Variants in MEGF10 observed in about 807,000 individuals in gnomAD.
MEGF10 encodes the protein multiple EGF like domains 10, also known as multiple epidermal growth factor-like domains protein 10.
In MEGF10, 86 loss-of-function variants were observed where a neutral mutation model predicts 147.5. The observed-to-expected ratio is 0.58, with a 90% CI of 0.49 to 0.70. The LOEUF (loss-of-function observed/expected upper bound fraction) is 0.70. Among genes scored for constraint, MEGF10 ranks in the 30% least tolerant of loss-of-function variants. The pLI, the probability that MEGF10 is intolerant of heterozygous loss-of-function variation, is 0.00. For missense variants in MEGF10, 1,329 were observed against 1,487.3 expected (o/e 0.89, Z 1.75); for synonymous variants, 478 against 525.5 (o/e 0.91, Z 1.24).
At chr5:127,253,854 CT>C in the MEGF10 span, among the ~76,000 whole-genome samples, 1 of 152,126 alleles carries the variant, frequency 6.6e-6, no homozygotes, top group East Asian at 1.9e-4. Flanking sequence ...GATGTCAGTT[CT>C]CCTTAAATTA....
chr5:127,433,712 A>C (rs1345455378), intron 14 of MEGF10, among the ~76,000 whole-genome samples: 3 of 152,262 alleles, frequency 2.0e-5, no homozygotes, highest in Admixed American at 6.5e-5. Flanking sequence ...CTAACCTAAC[A>C]GATGGGGATT....
intron 1 of MEGF10, among the ~76,000 whole-genome samples, chr5:127,300,268 T>C (rs1042544433): frequency 6.6e-6 from 1 of 152,224 alleles, no homozygotes; most frequent in Admixed American, 6.5e-5. Flanking sequence ...GCTCCCCATT[T>C]GTGTGATATA....
intron 9 of MEGF10, among the ~76,000 whole-genome samples, chr5:127,414,997 T>C (rs1328919869): frequency 6.6e-6 from 1 of 151,532 alleles, no homozygotes; most frequent in African/African-American, 2.4e-5. Flanking sequence ...AAAGACAAAC[T>C]GGAGAGAGAT....
chr5:127,331,602 A>T (rs1242330516), intron 2 of MEGF10, among the ~76,000 whole-genome samples, 178 bp downstream of exon 2: 4 of 152,210 alleles, frequency 2.6e-5, no homozygotes, highest in South Asian at 4.1e-4. Flanking sequence ...GTCTTATAGC[A>T]TATATATTAT....
rs909140658 is a variant in MEGF10 at position 127,346,333 on chromosome 5, A to C, written c.319+5703A>C. On this transcript the variant is annotated intron_variant, in intron 4 of 24. Coordinates refer to ENST00000503335, the MANE Select transcript of MEGF10 (RefSeq NM_001256545.2). ...GTTTATGTTCCCACCAACAGTGTAG[A>C]AGTGTTCCTTTTTCGCCACATCCAC... Among the ~76,000 whole-genome samples the C allele has an allele frequency of 3.3e-5, 5 of 152,158 alleles. No individual in the cohort carries two copies. The South Asian group carries it at 1.0e-3, about 32-fold the overall frequency.
chr5:127,328,089 A>G (rs1761110715), intron 1 of MEGF10, among the ~76,000 whole-genome samples: 2 of 152,178 alleles, frequency 1.3e-5, no homozygotes, highest in South Asian at 4.1e-4. Context: ...TGAAAGGACA[A>G]TCCATGTTTC....
chr5:127,450,133 A>G (rs1422319570), intron 22 of MEGF10, among the ~76,000 whole-genome samples: 1 of 152,212 alleles, frequency 6.6e-6, no homozygotes, highest in East Asian at 1.9e-4. Context: ...TTTTGATCTC[A>G]TACTTTATGT....
intron 1 of MEGF10, among the ~76,000 whole-genome samples, chr5:127,306,857 G>A (rs995466493): frequency 5.3e-5 from 8 of 152,166 alleles, no homozygotes; most frequent in African/African-American, 1.9e-4. Context: ...GTTGTGGGGG[G>A]TGGTGGAATC....
chr5:127,379,350 G>T (rs1763163064), intron 5 of MEGF10, among the ~76,000 whole-genome samples: 1 of 151,916 alleles, frequency 6.6e-6, no homozygotes, highest in South Asian at 2.1e-4. Flanking sequence ...CCCAAAACTG[G>T]CTGGAATTTC....
intron 17 of MEGF10, 143 bp downstream of exon 17, chr5:127,438,710 A>C (rs575831533): frequency 1.3e-6 from 1 of 788,102 alleles, no homozygotes; most frequent in East Asian, 2.7e-5. Context: ...GTAGACATAT[A>C]AATTTCTCTA....
At chr5:127,271,628 A>AC in the MEGF10 span, among the ~76,000 whole-genome samples, 2 of 151,278 alleles carry the variant, frequency 1.3e-5, no homozygotes, top group African/African-American at 4.9e-5. Flanking sequence ...GGGGGTGGCC[A>AC]CCCCCCATGC....
Position 127,457,401 on chromosome 5 carries a change from C to T in MEGF10, c.*83C>T, listed in dbSNP as rs943466617. ...TCTCCATCCTCAATTTTGCCACTTT[C>T]ATGTGAATGTTAGTCAATTCGGTGG... On this transcript the variant is annotated 3_prime_UTR_variant, in exon 25 of 25. Transcript: ENST00000503335. 14 of 1,441,634 alleles carry T rather than the reference C, an allele frequency of 9.7e-6. No individual in the cohort carries two copies. The highest frequency in any genetic ancestry group is 1.3e-5 in the Non-Finnish European group (14 of 1,081,142). The allele number at this position is 1,441,634 out of a possible 1,614,324, so 89.3% of individuals were successfully genotyped here. A position where few individuals can be genotyped will look rare whatever the true frequency, so the allele number is the denominator to read the frequency against.
chr5:127,449,307 GTTCTA>G, intron 22 of MEGF10, 85 bp downstream of exon 22: 1 of 1,563,200 alleles, frequency 6.4e-7, no homozygotes, highest in Admixed American at 1.9e-5. Context: ...GTGCCAAGGT[GTTCTA>G]TTGAAAACTT....
intron 12 of MEGF10, among the ~76,000 whole-genome samples, chr5:127,421,388 C>G (rs879494748): frequency 2.0e-5 from 3 of 152,212 alleles, no homozygotes; most frequent in Non-Finnish European, 4.4e-5. Flanking sequence ...CTAGCACCCA[C>G]TACCTGTCTA....
upstream of MEGF10, among the ~76,000 whole-genome samples, chr5:127,290,127 T>C (rs1162522497): frequency 6.6e-6 from 1 of 152,034 alleles, no homozygotes; most frequent in Non-Finnish European, 1.5e-5. Flanking sequence ...CATTCCCCAA[T>C]AAATTGCCGC....
chr5:127,410,265 C>A, intron 8 of MEGF10, 124 bp from the exon 9 acceptor site: 1 of 832,786 alleles, frequency 1.2e-6, no homozygotes, highest in Non-Finnish European at 1.9e-6. Context: ...GGGACAATCA[C>A]TAAATAATTG....
In MEGF10 at chr5:127,460,695, G is replaced by A. The variant is rs1357213034; in HGVS notation, c.*3377G>A. 3.3e-5 allele frequency: 5 copies of A among 152,086 alleles called. No homozygotes were observed. In the East Asian group the frequency reaches 9.6e-4, roughly 29 times the overall value. The allele number at this position is 152,086 out of a possible 1,614,324, so 9.4% of individuals were successfully genotyped here. A position where few individuals can be genotyped will look rare whatever the true frequency, so the allele number is the denominator to read the frequency against. Reference sequence around the variant, plus strand: ...TCATTTATAATTGATGTCAATATTAGTAGTCCACTTTATGCTTAAAATAAA... The same window carrying A: ...TCATTTATAATTGATGTCAATATTAATAGTCCACTTTATGCTTAAAATAAA... On this transcript the variant is annotated 3_prime_UTR_variant, in exon 25 of 25. Transcript: ENST00000503335.
At chr5:127,415,770 G>A (rs1764740205) in intron 9 of MEGF10, among the ~76,000 whole-genome samples, 1 of 151,646 alleles carries the variant, frequency 6.6e-6, no homozygotes, top group Non-Finnish European at 1.5e-5. Flanking sequence ...TGGGCATGGG[G>A]CACACGCCTG....
intron 15 of MEGF10, among the ~76,000 whole-genome samples, chr5:127,435,089 G>A (rs1361564589): frequency 6.6e-6 from 1 of 152,104 alleles, no homozygotes; most frequent in Admixed American, 6.6e-5. Context: ...ATCAATATGC[G>A]GAAGAATTTT....
Sources: allele counts gnomAD v4.1 joint callset (sites outside exome capture counted in the v4.1 genomes callset), GRCh38; gene constraint gnomAD v4.1.1; transcripts MANE v1.5; gene names NCBI Gene and HGNC (gene_info 2026-07-23, HGNC 2026-07-21).